The following MAGI2 variants were observed in gnomAD, a reference collection of about 807,000 sequenced individuals.
MAGI2 encodes the protein membrane associated guanylate kinase, WW and PDZ domain containing 2.
Under a neutral mutation model 133.3 loss-of-function variants are expected in MAGI2, and 35 were observed. That is an observed-to-expected ratio of 0.26 (90% CI 0.20 to 0.35). The LOEUF is 0.35. Among genes scored for constraint, MAGI2 ranks in the 10% least tolerant of loss-of-function variants. The pLI is 1.00. For synonymous variants in MAGI2, 729 were observed against 710.6 expected (o/e 1.03, Z -0.41); for missense variants, 1,636 against 1,863.4 (o/e 0.88, Z 2.25).
intron 1 of MAGI2, among the ~76,000 whole-genome samples, chr7:79,063,020 T>C (rs1451787605): frequency 2.0e-5 from 3 of 152,110 alleles, no homozygotes; most frequent in Non-Finnish European, 4.4e-5. Flanking sequence ...TAAACTCCAA[T>C]GAAAGGTCCA....
intron 1 of MAGI2, among the ~76,000 whole-genome samples, chr7:79,236,629 A>G (rs2129554676): frequency 6.6e-6 from 1 of 152,322 alleles, no homozygotes; most frequent in South Asian, 2.1e-4. Flanking sequence ...GTAAAATGAA[A>G]CTATCGAACT....
chr7:78,038,345 A>G (rs527265760), intron 21 of MAGI2, among the ~76,000 whole-genome samples: 11 of 152,352 alleles, frequency 7.2e-5, no homozygotes, highest in Admixed American at 3.9e-4. Context: ...ACATATATGT[A>G]ACTAGATCAG....
intron 2 of MAGI2, among the ~76,000 whole-genome samples, chr7:78,744,458 A>C (rs1313953638): frequency 6.6e-6 from 1 of 152,184 alleles, no homozygotes; most frequent in Non-Finnish European, 1.5e-5. Context: ...CATCTTATGG[A>C]ATATGAATTT....
intron 2 of MAGI2, among the ~76,000 whole-genome samples, chr7:78,983,886 A>G (rs1309541782): frequency 6.6e-6 from 1 of 151,802 alleles, no homozygotes; most frequent in East Asian, 1.9e-4. Flanking sequence ...GGTTTTACAT[A>G]TTACTCAATG....
At chr7:79,094,495 T>C (rs571040139) in intron 1 of MAGI2, among the ~76,000 whole-genome samples, 3 of 152,374 alleles carry the variant, frequency 2.0e-5, no homozygotes, top group African/African-American at 7.2e-5. Flanking sequence ...CCATGAATTA[T>C]GAATGTTGTT....
chr7:78,692,914 G>A (rs932424703), intron 2 of MAGI2, among the ~76,000 whole-genome samples: 2 of 152,044 alleles, frequency 1.3e-5, no homozygotes, highest in African/African-American at 4.8e-5. Context: ...CCGAACTAAA[G>A]AAAAAGGATT....
intron 1 of MAGI2, among the ~76,000 whole-genome samples, chr7:79,275,963 C>T (rs183477388): frequency 5.9e-5 from 9 of 152,270 alleles, no homozygotes; most frequent in Admixed American, 5.9e-4. Flanking sequence ...CTTGACAATG[C>T]ACCTGGTCAC....
At chr7:79,103,840 C>G (rs973045286) in intron 1 of MAGI2, among the ~76,000 whole-genome samples, 1 of 150,412 alleles carries the variant, frequency 6.6e-6, no homozygotes, top group Non-Finnish European at 1.5e-5. Context: ...GCTGGGACTA[C>G]AGGCGCCCGC....
intron 2 of MAGI2, among the ~76,000 whole-genome samples, chr7:78,653,874 T>C (rs571286309): frequency 6.6e-6 from 1 of 152,130 alleles, no homozygotes; most frequent in Admixed American, 6.5e-5. Context: ...TTTAGTACTC[T>C]GAGGTCAAAA....
chr7:78,820,546 AT>A, intron 2 of MAGI2, among the ~76,000 whole-genome samples: 1 of 152,074 alleles, frequency 6.6e-6, no homozygotes, highest in African/African-American at 2.4e-5. Flanking sequence ...AAAAAGTGGA[AT>A]AATACAGTAT....
intron 1 of MAGI2, among the ~76,000 whole-genome samples, chr7:79,153,868 A>C (rs1823512600): frequency 6.6e-6 from 1 of 152,226 alleles, no homozygotes; most frequent in Non-Finnish European, 1.5e-5. Flanking sequence ...TAGTGTATAA[A>C]ATTAAAGTCC....
At chr7:79,043,753 A>G (rs1327944676) in intron 1 of MAGI2, among the ~76,000 whole-genome samples, 1 of 152,038 alleles carries the variant, frequency 6.6e-6, no homozygotes. Context: ...TAACCCCTCA[A>G]ATACTATTAT....
intron 2 of MAGI2, among the ~76,000 whole-genome samples, chr7:78,935,245 C>T (rs1800426973): frequency 6.6e-6 from 1 of 152,044 alleles, no homozygotes. Context: ...AATAAATAGT[C>T]TTTTTTTATT....
chr7:79,062,978 C>T (rs542233676), intron 1 of MAGI2, among the ~76,000 whole-genome samples: 1 of 152,248 alleles, frequency 6.6e-6, no homozygotes, highest in African/African-American at 2.4e-5. Flanking sequence ...AGAAGGGCTA[C>T]TGCTTATGTA....
At chr7:78,756,299 A>T (rs181574833) in intron 2 of MAGI2, among the ~76,000 whole-genome samples, 3 of 152,360 alleles carry the variant, frequency 2.0e-5, no homozygotes, top group East Asian at 3.9e-4. Context: ...TACTGCAAAG[A>T]CTGAAGTGGT....
intron 1 of MAGI2, among the ~76,000 whole-genome samples, chr7:79,204,706 G>C (rs1828890957): frequency 1.3e-5 from 2 of 151,502 alleles, no homozygotes; most frequent in South Asian, 4.1e-4. Flanking sequence ...AGAAAATACA[G>C]AAAAATACTT....
chr7:79,058,155 G>T (rs1296479606), intron 1 of MAGI2, among the ~76,000 whole-genome samples: 1 of 151,960 alleles, frequency 6.6e-6, no homozygotes, highest in African/African-American at 2.4e-5. Flanking sequence ...AAAGACCAGG[G>T]AAAATGCGAT....
intron 9 of MAGI2, among the ~76,000 whole-genome samples, chr7:78,314,978 A>G (rs1458784210): frequency 6.6e-6 from 1 of 152,162 alleles, no homozygotes; most frequent in African/African-American, 2.4e-5. Flanking sequence ...CAGATAGGAC[A>G]TGCTATAGAA....
intron 3 of MAGI2, among the ~76,000 whole-genome samples, chr7:78,559,170 C>CAAAAAAAAAAAAAAA (rs1563168332): frequency 3.1e-5 from 1 of 32,598 alleles, no homozygotes; most frequent in African/African-American, 9.6e-5. Context: ...AAAAAAAAGC[C>CAAAAAAAAAAAAAAA]AAAAAGAAAA....
Sources: gnomAD v4.1 joint callset for allele counts (sites outside exome capture counted in the v4.1 genomes callset) on GRCh38, gnomAD v4.1.1 for gene constraint, MANE v1.5 for transcripts, NCBI Gene and HGNC (gene_info 2026-07-23, HGNC 2026-07-21) for gene names.